The following HS3ST4 variants were observed in gnomAD, a reference collection of about 807,000 sequenced individuals.
The protein encoded by HS3ST4 is heparan sulfate glucosamine 3-O-sulfotransferase 4.
A neutral mutation model predicts 29.2 loss-of-function variants in HS3ST4; 17 were observed. The observed-to-expected ratio is 0.58, with a 90% CI of 0.40 to 0.87. The LOEUF (loss-of-function observed/expected upper bound fraction) is 0.87. Ranked by LOEUF, HS3ST4 falls within the 40% of genes least tolerant of loss-of-function variation. HS3ST4 has a pLI of 0.00. For synonymous variants in HS3ST4, 314 were observed against 285.7 expected (o/e 1.10, Z -1.00); for missense variants, 627 against 634.5 (o/e 0.99, Z 0.13).
intron 1 of HS3ST4, among the ~76,000 whole-genome samples, chr16:25,811,063 A>C (rs992595123): frequency 3.3e-5 from 5 of 152,248 alleles, no homozygotes; most frequent in African/African-American, 1.2e-4. Context: ...GGTGAGCTAC[A>C]AAACTGCTGG....
chr16:26,074,843 C>T (rs1289449992), intron 1 of HS3ST4, among the ~76,000 whole-genome samples: 2 of 152,142 alleles, frequency 1.3e-5, no homozygotes, highest in Non-Finnish European at 2.9e-5. Context: ...TTCAAGCAAG[C>T]TTTTCACTTT....
intron 1 of HS3ST4, among the ~76,000 whole-genome samples, chr16:25,953,237 G>A (rs1194553975): frequency 6.6e-6 from 1 of 152,090 alleles, no homozygotes; most frequent in African/African-American, 2.4e-5. Context: ...TGGCTTCAGG[G>A]GCTGCCAGGG....
intron 1 of HS3ST4, among the ~76,000 whole-genome samples, chr16:25,693,650 AT>A (rs1205915310): frequency 6.6e-6 from 1 of 152,228 alleles, no homozygotes; most frequent in Admixed American, 6.5e-5. Flanking sequence ...AGCAAAATGA[AT>A]AGGGAACAGT....
At chr16:25,843,957 A>G in intron 1 of HS3ST4, among the ~76,000 whole-genome samples, 1 of 152,198 alleles carries the variant, frequency 6.6e-6, no homozygotes, top group East Asian at 1.9e-4. Context: ...CCTGGATTCA[A>G]CCTGAGACAG....
chr16:25,854,864 A>G (rs1332646189), intron 1 of HS3ST4, among the ~76,000 whole-genome samples: 1 of 152,128 alleles, frequency 6.6e-6, no homozygotes, highest in Non-Finnish European at 1.5e-5. Context: ...GTGAAAGTTT[A>G]CAAATTTGTG....
intron 1 of HS3ST4, among the ~76,000 whole-genome samples, chr16:25,751,347 G>A (rs1468860773): frequency 1.3e-5 from 2 of 152,156 alleles, no homozygotes; most frequent in Admixed American, 1.3e-4. Flanking sequence ...CTCCTATTAT[G>A]GAGATGCTCT....
chr16:25,920,490 A>G (rs1968336989), intron 1 of HS3ST4, among the ~76,000 whole-genome samples: 1 of 151,724 alleles, frequency 6.6e-6, no homozygotes, highest in South Asian at 2.1e-4. Context: ...TGTTTCTCAA[A>G]CACTCTGGCC....
intron 1 of HS3ST4, among the ~76,000 whole-genome samples, chr16:25,734,346 G>A (rs1392833910): frequency 1.3e-5 from 2 of 152,150 alleles, no homozygotes; most frequent in African/African-American, 2.4e-5. Context: ...AGGTCTTCCA[G>A]CTTGGATCTT....
At position 25,908,629 on chromosome 16, in the gene HS3ST4, G is replaced by A. The variant is rs540501276; in HGVS notation, c.734+215478G>A. Among the ~76,000 whole-genome samples the A allele has an allele frequency of 4.5e-4, 69 of 152,340 alleles. 1 individual carries two copies. Among genetic ancestry groups the A allele is most frequent in the Non-Finnish European group, 1.5e-5 (1 of 68,036 alleles). On this transcript the variant is annotated intron_variant, in intron 1 of 1. Coordinates refer to ENST00000331351, the MANE Select transcript of HS3ST4 (RefSeq NM_006040.3). Reference sequence around the variant, plus strand: ...TGGGGCATCAGGAATGAGCCAGGATGAGGACAAACCCTCAAGGTCAAGTGT... The same window carrying A: ...TGGGGCATCAGGAATGAGCCAGGATAAGGACAAACCCTCAAGGTCAAGTGT...
chr16:25,914,308 T>A lies in HS3ST4; in HGVS notation c.734+221157T>A, dbSNP rs542327094. On this transcript the variant is annotated intron_variant, in intron 1 of 1. Coordinates refer to ENST00000331351, the MANE Select transcript of HS3ST4 (RefSeq NM_006040.3). Reference sequence around the variant, plus strand: ...GGGTGTGCACGTATATGTGTATGTATGTGTGTATAGGGGTATATGTGGTGT... The same window carrying A: ...GGGTGTGCACGTATATGTGTATGTAAGTGTGTATAGGGGTATATGTGGTGT... Among the ~76,000 whole-genome samples the A allele has an allele frequency of 2.6e-3, 388 of 150,330 alleles. 1 individual carries two copies. The highest frequency in any genetic ancestry group is 8.8e-3 in the African/African-American group (359 of 40,846).
intron 1 of HS3ST4, among the ~76,000 whole-genome samples, chr16:25,784,757 T>C (rs1283102112): frequency 1.3e-5 from 2 of 152,222 alleles, no homozygotes; most frequent in African/African-American, 2.4e-5. Flanking sequence ...CAAGTGCTGA[T>C]GTAGAAGCTG....
intron 1 of HS3ST4, among the ~76,000 whole-genome samples, chr16:25,705,394 G>A (rs1447558976): frequency 1.3e-5 from 2 of 152,122 alleles, no homozygotes; most frequent in Non-Finnish European, 2.9e-5. Flanking sequence ...GGCTGGCTGC[G>A]GTGGCTCACG....
chr16:25,995,288 A>T lies in HS3ST4; in HGVS notation c.735-140324A>T, dbSNP rs138258676. Reference sequence around the variant, plus strand: ...AATAAGAGAATGTATTGGTCCATATATCTGCAAATTCCAAAGGTAGCATTT... The same window carrying T: ...AATAAGAGAATGTATTGGTCCATATTTCTGCAAATTCCAAAGGTAGCATTT... On this transcript the variant is annotated intron_variant, in intron 1 of 1. Transcript: ENST00000331351. Among the ~76,000 whole-genome samples the T allele has an allele frequency of 4.2e-3, 637 of 152,332 alleles. 4 individuals carry two copies. The highest frequency in any genetic ancestry group is 8.0e-3 in the Admixed American group (122 of 15,304).
intron 1 of HS3ST4, among the ~76,000 whole-genome samples, chr16:26,106,404 A>T (rs1201220790): frequency 6.6e-6 from 1 of 152,206 alleles, no homozygotes; most frequent in Admixed American, 6.5e-5. Context: ...TGGCTACTTT[A>T]TTTGATCCTA....
chr16:25,984,818 ATCTTTAG>A (rs1201445769), intron 1 of HS3ST4, among the ~76,000 whole-genome samples: 1 of 152,122 alleles, frequency 6.6e-6, no homozygotes, highest in Non-Finnish European at 1.5e-5. Flanking sequence ...CTATTCTCTT[ATCTTTAG>A]TCCTGCAGTG....
chr16:25,921,641 A>T (rs1202511362), intron 1 of HS3ST4, among the ~76,000 whole-genome samples: 1 of 152,192 alleles, frequency 6.6e-6, no homozygotes, highest in Non-Finnish European at 1.5e-5. Context: ...CATCAGCAGG[A>T]AAACTTTTTG....
At chr16:25,819,006 A>G (rs1047326303) in intron 1 of HS3ST4, among the ~76,000 whole-genome samples, 2 of 152,160 alleles carry the variant, frequency 1.3e-5, no homozygotes, top group African/African-American at 2.4e-5. Flanking sequence ...CCCAGATTCT[A>G]CAGGGCCTGC....
intron 1 of HS3ST4, among the ~76,000 whole-genome samples, chr16:25,751,301 G>T (rs928351113): frequency 1.3e-5 from 2 of 152,136 alleles, no homozygotes; most frequent in Non-Finnish European, 2.9e-5. Flanking sequence ...ATGTGTGTGT[G>T]TATGCATGTG....
chr16:26,053,726 T>C (rs932185935), intron 1 of HS3ST4, among the ~76,000 whole-genome samples: 1 of 152,132 alleles, frequency 6.6e-6, no homozygotes, highest in African/African-American at 2.4e-5. Context: ...TACCAATATA[T>C]ATATAAAAAA....
Sources: allele counts gnomAD v4.1 joint callset (sites outside exome capture counted in the v4.1 genomes callset), GRCh38; gene constraint gnomAD v4.1.1; transcripts MANE v1.5; gene names NCBI Gene and HGNC (gene_info 2026-07-23, HGNC 2026-07-21).